SYN2: variants seen among roughly 807,000 people sequenced by gnomAD.
SYN2 encodes synapsin II, also known as synapsin-2.
SYN2 carries 19 observed loss-of-function variants against 50.9 expected under a neutral mutation model. The observed-to-expected ratio is 0.37, with a 90% CI of 0.26 to 0.55. SYN2 has a LOEUF of 0.55. SYN2 is among the 20% of genes least tolerant of loss of function. The pLI is 0.81. For synonymous variants in SYN2, 255 were observed against 224.9 expected (o/e 1.13, Z -1.20); for missense variants, 587 against 576.4 (o/e 1.02, Z -0.19).
At chr3:12,123,503 A>T (rs570878573) in intron 1 of SYN2, among the ~76,000 whole-genome samples, 121 of 152,230 alleles carry the variant, frequency 7.9e-4, no homozygotes, top group Non-Finnish European at 1.4e-3. Flanking sequence ...GTATGGTGGC[A>T]TGCCACTGTA....
chr3:12,095,211 C>T (rs542349077), intron 1 of SYN2, among the ~76,000 whole-genome samples: 9 of 151,778 alleles, frequency 5.9e-5, no homozygotes, highest in Non-Finnish European at 7.4e-5. Flanking sequence ...GTCTGGCTTC[C>T]GTACCATTCC....
intron 7 of SYN2, 129 bp downstream of exon 7, chr3:12,162,283 T>G (rs971623150): frequency 8.5e-7 from 1 of 1,178,448 alleles, no homozygotes; most frequent in Non-Finnish European, 1.2e-6. Flanking sequence ...GGGTTCCTTT[T>G]AAGTCAGAGG....
At chr3:12,144,758 C>T (rs1304801186) in intron 3 of SYN2, among the ~76,000 whole-genome samples, 4 of 152,172 alleles carry the variant, frequency 2.6e-5, no homozygotes, top group African/African-American at 9.7e-5. Context: ...TGGTGGCTCG[C>T]ACCTGTAATC....
chr3:12,095,297 C>G (rs1369855577), intron 1 of SYN2, among the ~76,000 whole-genome samples: 1 of 150,708 alleles, frequency 6.6e-6, no homozygotes, highest in Non-Finnish European at 1.5e-5. Context: ...GTAATCCTAG[C>G]ACATTGGGAG....
Position 12,094,467 on chromosome 3 carries a change from T to C in SYN2, c.378-46184T>C, listed in dbSNP as rs78267404. On this transcript the variant is annotated intron_variant, in intron 1 of 12. Transcript: ENST00000621198. ...GTTCCATCTCAGTCCTGAGGAGACT[T>C]GGCCTCAGAAAGGCTAGGTGGGGTG... Among the ~76,000 whole-genome samples, 531 of 152,348 alleles carry C rather than the reference T, an allele frequency of 3.5e-3. 5 individuals carry two copies. Among genetic ancestry groups the C allele is most frequent in the African/African-American group, 0.011 (438 of 41,572 alleles).
At chr3:12,071,292 C>T in intron 1 of SYN2, 1 of 562,980 alleles carries the variant, frequency 1.8e-6, no homozygotes. Context: ...TGTCCATCTT[C>T]CAGCAGATGT....
chr3:12,139,978 T>C (rs1212343013), intron 1 of SYN2, among the ~76,000 whole-genome samples: 1 of 152,244 alleles, frequency 6.6e-6, no homozygotes, highest in African/African-American at 2.4e-5. Flanking sequence ...TGTGACAAAC[T>C]GGGAAGATAC....
chr3:12,082,660 A>T (rs1185688122), intron 1 of SYN2, among the ~76,000 whole-genome samples: 1 of 152,218 alleles, frequency 6.6e-6, no homozygotes, highest in African/African-American at 2.4e-5. Context: ...GAGGATGTAT[A>T]TCCATTGCTC....
chr3:12,069,901 G>C (rs774576494), intron 1 of SYN2, among the ~76,000 whole-genome samples: 2 of 151,294 alleles, frequency 1.3e-5, no homozygotes, highest in Non-Finnish European at 2.9e-5. Flanking sequence ...CAACCTCCCA[G>C]GCTCAGTCAA....
chr3:12,123,834 C>G (rs201281204), intron 1 of SYN2, among the ~76,000 whole-genome samples: 1 of 151,968 alleles, frequency 6.6e-6, no homozygotes, highest in African/African-American at 2.4e-5. Context: ...CATGGCAAAA[C>G]CCCGTCTCTA....
At chr3:12,153,573 C>A in intron 5 of SYN2, 9 of 1,614,116 alleles carry the variant, frequency 5.6e-6, no homozygotes, top group Non-Finnish European at 7.6e-6. Flanking sequence ...CCGGTACCAG[C>A]TGCAGGTGCC....
chr3:12,177,023 C>T (rs310758), intron 10 of SYN2, among the ~76,000 whole-genome samples: 94,471 of 151,994 alleles, frequency 0.62, 32,731 homozygotes, highest in South Asian at 0.79. Context: ...AATCTCCTTC[C>T]AAGCCTGACA....
intron 1 of SYN2, among the ~76,000 whole-genome samples, chr3:12,134,596 C>T (rs1696857285): frequency 6.6e-6 from 1 of 152,244 alleles, no homozygotes; most frequent in Admixed American, 6.5e-5. Flanking sequence ...ATGGCTCCCT[C>T]CTTTGGGTTC....
chr3:12,114,760 TTTC>T (rs1696393524), intron 1 of SYN2, among the ~76,000 whole-genome samples: 1 of 152,190 alleles, frequency 6.6e-6, no homozygotes, highest in African/African-American at 2.4e-5. Flanking sequence ...AAATGTACTA[TTTC>T]TTCTTTGAGC....
Position 12,190,833 on chromosome 3 carries a change from G to A in SYN2, c.*208G>A. The A allele has an allele frequency of 1.5e-6, 2 of 1,332,362 alleles. No homozygotes were observed. The highest frequency in any genetic ancestry group is 2.0e-5 in the South Asian group (1 of 51,178). The allele number at this position is 1,332,362 out of a possible 1,614,324, so 82.5% of individuals were successfully genotyped here. Reference sequence around the variant, plus strand: ...GTGCCTACCCAGCAAGGGGTACCTGGCATCAGAGAGGAAAGAGCTGCTTCC... The same window carrying A: ...GTGCCTACCCAGCAAGGGGTACCTGACATCAGAGAGGAAAGAGCTGCTTCC... On this transcript the variant is annotated 3_prime_UTR_variant, in exon 13 of 13. Coordinates refer to ENST00000621198, the MANE Select transcript of SYN2 (RefSeq NM_133625.6).
chr3:12,089,674 A>G (rs1264254645), intron 1 of SYN2, among the ~76,000 whole-genome samples: 1 of 152,202 alleles, frequency 6.6e-6, no homozygotes, highest in Non-Finnish European at 1.5e-5. Context: ...AAAAGAATCT[A>G]GCAGGAATAG....
intron 1 of SYN2, among the ~76,000 whole-genome samples, chr3:12,104,189 G>C (rs568708007): frequency 2.0e-5 from 3 of 152,224 alleles, no homozygotes; most frequent in African/African-American, 7.2e-5. Flanking sequence ...CTGGAGTACA[G>C]TGGCATGATC....
chr3:12,025,308 G>A (rs192437957), intron 1 of SYN2, among the ~76,000 whole-genome samples: 5 of 152,254 alleles, frequency 3.3e-5, no homozygotes, highest in Admixed American at 2.0e-4. Flanking sequence ...CCATAGCAAC[G>A]TGGTATTGTC....
chr3:12,007,851 A>T (rs1401934157), intron 1 of SYN2, among the ~76,000 whole-genome samples: 1 of 152,184 alleles, frequency 6.6e-6, no homozygotes, highest in Non-Finnish European at 1.5e-5. Context: ...GGTTGATGGG[A>T]AAATTGGAAG....
Sources: gnomAD v4.1 joint callset for allele counts (sites outside exome capture counted in the v4.1 genomes callset) on GRCh38, gnomAD v4.1.1 for gene constraint, MANE v1.5 for transcripts, NCBI Gene and HGNC (gene_info 2026-07-23, HGNC 2026-07-21) for gene names.